FANCM: variants seen among roughly 807,000 people sequenced by gnomAD.
FANCM encodes the protein FA complementation group M.
Under a neutral mutation model 199.5 loss-of-function variants are expected in FANCM, and 140 were observed. The ratio of observed to expected loss-of-function variants is 0.70; its 90% confidence interval spans 0.61 to 0.81. FANCM has a LOEUF of 0.81. Ranked by LOEUF, FANCM falls within the 30% of genes least tolerant of loss-of-function variation. The pLI is 0.00. For synonymous variants in FANCM, 840 were observed against 836.8 expected, an observed-to-expected ratio of 1.00 and a Z score of -0.07; for missense variants, 2,410 against 2,421.4, an observed-to-expected ratio of 1.00 and a Z score of 0.10.
intron 20 of FANCM, among the ~76,000 whole-genome samples, chr14:45,191,847 C>G (rs1889787195): frequency 6.6e-6 from 1 of 151,888 alleles, no homozygotes; most frequent in Non-Finnish European, 1.5e-5. Context: ...TTGTCTTTTG[C>G]TTTTTTGTTT....
At chr14:45,144,925 T>G (rs1389857406) in intron 3 of FANCM, among the ~76,000 whole-genome samples, 1 of 152,064 alleles carries the variant, frequency 6.6e-6, no homozygotes, top group Admixed American at 6.5e-5. Flanking sequence ...CCATCATTGC[T>G]AGAGATGTGC....
intron 9 of FANCM, among the ~76,000 whole-genome samples, chr14:45,159,998 T>G (rs947675222): frequency 1.4e-5 from 2 of 145,360 alleles, no homozygotes; most frequent in Non-Finnish European, 3.0e-5. Context: ...GAGGTTTTTT[T>G]TTTGTTTTTT....
chr14:45,159,249 C>T lies in FANCM; in HGVS notation c.1550C>T (p.Thr517Met), dbSNP rs149473953. 94 of 1,613,022 alleles carry T rather than the reference C, an allele frequency of 5.8e-5. No individual in the cohort carries two copies. The highest frequency in any genetic ancestry group is 1.1e-4 in the South Asian group (10 of 90,950). ...TFVGHASGKS[T>M]KGFTQKEQLE... is the part of the protein sequence containing the mutation. Reference sequence around the variant, plus strand: ...GTCGGCCATGCCTCAGGGAAAAGCACGAAGGGTTTTACCCAGAAGGAGCAA... The same window carrying T: ...GTCGGCCATGCCTCAGGGAAAAGCATGAAGGGTTTTACCCAGAAGGAGCAA... The change falls in exon 9 of 23, where the codon ACG becomes ATG. Residue 517 changes from threonine (T) to methionine (M), a missense_variant. Coordinates refer to ENST00000267430, the MANE Select transcript of FANCM (RefSeq NM_020937.4).
intron 8 of FANCM, among the ~76,000 whole-genome samples, chr14:45,156,799 T>C (rs1887220645): frequency 6.6e-6 from 1 of 151,634 alleles, no homozygotes. Flanking sequence ...GTGCCTGTAG[T>C]CTCAGCTACT....
intron 14 of FANCM, among the ~76,000 whole-genome samples, chr14:45,178,562 A>G (rs1022713202): frequency 5.9e-5 from 9 of 152,204 alleles, no homozygotes; most frequent in African/African-American, 2.2e-4. Flanking sequence ...GTTCATTAAA[A>G]CATCATGAAA....
rs1885821581 is a variant in FANCM at position 45,140,343 on chromosome 14, C to T, written c.682-289C>T. Among the ~76,000 whole-genome samples, 5 of 152,268 alleles carry T rather than the reference C, an allele frequency of 3.3e-5. No homozygotes were observed. In the South Asian group the frequency reaches 6.2e-4, roughly 19 times the overall value. On this transcript the variant is annotated intron_variant, in intron 2 of 22. Coordinates refer to ENST00000267430, the MANE Select transcript of FANCM (RefSeq NM_020937.4). ...CTCCCAAAAGTGTTGAGATTACAAG[C>T]GTGAGCCACTGTGCCCAGCACCTTT...
Position 45,176,117 on chromosome 14 carries a change from T to C in FANCM, c.3363T>C (p.Ser1121=), listed in dbSNP as rs746805378. The part of the protein sequence containing the change: ...VGENNHDVDN[S]DLPVLSTDQD... ...AGAACAATCATGATGTTGATAACAGTGACCTCCCAGTATTGTCCACTGATC... is the reference window on the plus strand; with the variant it reads ...AGAACAATCATGATGTTGATAACAGCGACCTCCCAGTATTGTCCACTGATC... The change falls in exon 14 of 23, where the codon AGT becomes AGC. Residue 1121 remains serine (S), a synonymous_variant. Coordinates refer to ENST00000267430, the MANE Select transcript of FANCM (RefSeq NM_020937.4). 6.2e-7 allele frequency: 1 copy of C among 1,614,066 alleles called. No individual in the cohort carries two copies. Among genetic ancestry groups the C allele is most frequent in the South Asian group, 1.1e-5 (1 of 91,088 alleles).
chr14:45,198,469 T>G (rs1031075775), intron 21 of FANCM, 175 bp from the exon 22 acceptor site: 12 of 488,984 alleles, frequency 2.5e-5, no homozygotes, highest in Non-Finnish European at 4.0e-5. Flanking sequence ...TAGTTACCCC[T>G]ATTTTCTTTC....
At chr14:45,164,169 T>C (rs1289720483) in intron 9 of FANCM, among the ~76,000 whole-genome samples, 190 bp from the exon 10 acceptor site, 1 of 152,182 alleles carries the variant, frequency 6.6e-6, no homozygotes, top group Non-Finnish European at 1.5e-5. Context: ...GAGCTTGAGC[T>C]CCTGGACTCA....
chr14:45,136,681 AG>A (rs1234977024), intron 1 of FANCM, 142 bp downstream of exon 1: 2 of 801,778 alleles, frequency 2.5e-6, no homozygotes, highest in African/African-American at 3.4e-5. Flanking sequence ...ACTGATGAAT[AG>A]GGTTGCTTTA....
At chr14:45,172,308 C>G (rs1031607910) in intron 12 of FANCM, among the ~76,000 whole-genome samples, 11 of 152,084 alleles carry the variant, frequency 7.2e-5, no homozygotes, top group African/African-American at 1.2e-4. Flanking sequence ...CTTTTGGGTT[C>G]TTGGTCATGA....
rs111422686 is a variant in FANCM at position 45,178,108 on chromosome 14, C to A, written c.4222+1132C>A. Among the ~76,000 whole-genome samples the A allele has an allele frequency of 7.3e-3, 1,116 of 152,284 alleles. 25 individuals carry two copies. Among genetic ancestry groups the A allele is most frequent in the African/African-American group, 0.026 (1,062 of 41,566 alleles). On this transcript the variant is annotated intron_variant, in intron 14 of 22. Transcript: ENST00000267430. ...AAAAGTAGCTGTAGGATAAAAGGAACATTTCCTCTGTAAATCTTTTCCTTA... is the reference window on the plus strand; with the variant it reads ...AAAAGTAGCTGTAGGATAAAAGGAAAATTTCCTCTGTAAATCTTTTCCTTA...
intron 5 of FANCM, 73 bp from the exon 6 acceptor site, chr14:45,153,847 C>G: frequency 1.7e-6 from 2 of 1,178,508 alleles, no homozygotes; most frequent in Non-Finnish European, 1.3e-6. Context: ...TGACTATGGC[C>G]TGACAACTTG....
chr14:45,148,899 T>C lies in FANCM; in HGVS notation c.822T>C (p.Ser274=), dbSNP rs752558807. Residue 274 remains serine (S), a synonymous_variant, in exon 4 of 23, where the codon TCT becomes TCC. Coordinates refer to ENST00000267430, the MANE Select transcript of FANCM (RefSeq NM_020937.4). Reference sequence around the variant, plus strand: ...AGATAGAGCTTCGTTCTGAAGATTCTCCAGATATTTTGACATATTCTCATG... The same window carrying C: ...AGATAGAGCTTCGTTCTGAAGATTCCCCAGATATTTTGACATATTCTCATG... The part of the protein sequence containing the change: ...IGQIELRSED[S]PDILTYSHER... 1 of 1,612,630 alleles carries C rather than the reference T, an allele frequency of 6.2e-7. No individual in the cohort carries two copies. Among genetic ancestry groups the C allele is most frequent in the East Asian group, 2.2e-5 (1 of 44,820 alleles).
chr14:45,191,008 T>C (rs1889734912), intron 20 of FANCM, among the ~76,000 whole-genome samples: 2 of 152,304 alleles, frequency 1.3e-5, no homozygotes, highest in South Asian at 2.1e-4. Flanking sequence ...GCTGGGACTA[T>C]GGACATGCAA....
At chr14:45,194,050 C>G (rs1889919697) in intron 20 of FANCM, among the ~76,000 whole-genome samples, 2 of 151,950 alleles carry the variant, frequency 1.3e-5, no homozygotes, top group African/African-American at 4.8e-5. Context: ...GCCTGTAATC[C>G]CAGCACTTTG....
At chr14:45,159,406 G>A (rs879103228) in intron 9 of FANCM, 126 bp downstream of exon 9, 3 of 636,794 alleles carry the variant, frequency 4.7e-6, no homozygotes, top group Non-Finnish European at 8.1e-6. Flanking sequence ...TAAACGTGTA[G>A]GTAAAAATAA....
chr14:45,189,953 G>A (rs183746107), intron 20 of FANCM, among the ~76,000 whole-genome samples: 2 of 146,052 alleles, frequency 1.4e-5, no homozygotes, highest in East Asian at 4.0e-4. Flanking sequence ...GGGTGACAGA[G>A]CAAGACTCCA....
chr14:45,148,141 T>G (rs1016088981), intron 3 of FANCM, among the ~76,000 whole-genome samples: 9 of 150,890 alleles, frequency 6.0e-5, no homozygotes, highest in Non-Finnish European at 4.4e-5. Flanking sequence ...AGGTTGCAGT[T>G]AGCCGATATC....
Sources: gnomAD v4.1 joint callset for allele counts (sites outside exome capture counted in the v4.1 genomes callset) on GRCh38, gnomAD v4.1.1 for gene constraint, MANE v1.5 for transcripts, NCBI Gene and HGNC (gene_info 2026-07-23, HGNC 2026-07-21) for gene names.